GPHN: variants seen among roughly 807,000 people sequenced by gnomAD.
The protein encoded by GPHN is gephyrin.
GPHN carries 17 observed loss-of-function variants against 95.5 expected under a neutral mutation model. The ratio of observed to expected loss-of-function variants is 0.18; its 90% CI spans 0.12 to 0.27. The LOEUF (loss-of-function observed/expected upper bound fraction) is 0.27. Among genes scored for constraint, GPHN ranks in the 10% least tolerant of loss-of-function variants. GPHN has a pLI of 1.00. For missense variants in GPHN, 660 were observed against 978.1 expected (o/e 0.67, Z 4.34); for synonymous variants, 320 against 322.5 (o/e 0.99, Z 0.08).
intron 9 of GPHN, chr14:66,969,335 G>T (rs1038804006): frequency 2.6e-5 from 4 of 152,118 alleles, no homozygotes; most frequent in African/African-American, 9.7e-5. Flanking sequence ...TATATTTAAA[G>T]AAGTATAGAC....
At position 67,122,341 on chromosome 14, in the gene GPHN, G is replaced by A. The variant is rs762726630; in HGVS notation, c.1712G>A (p.Gly571Asp). The A allele has an allele frequency of 8.7e-6, 14 of 1,613,086 alleles. No individual in the cohort carries two copies. The highest frequency in any genetic ancestry group is 6.8e-6 in the Non-Finnish European group (8 of 1,179,092). The change falls in exon 17 of 23, where the codon GGT (glycine) becomes GAT (aspartate). Residue 571 changes from glycine (G) to aspartate (D), a missense_variant. Gly to Asp is a moderately conservative substitution (Grantham distance 94, BLOSUM62 -1). Transcript: ENST00000478722. ...STLLATIQEHGYPTINLGIVG... is the reference protein window; with the variant it reads ...STLLATIQEHDYPTINLGIVG... The stretch of plus-strand genomic sequence containing the variant: ...CTTCTAGCAACAATTCAGGAACATG[G>A]TTACCCCACGATCAACTTGGGTATT...
chr14:67,008,330 C>T (rs1227614313), intron 9 of GPHN, among the ~76,000 whole-genome samples: 1 of 151,672 alleles, frequency 6.6e-6, no homozygotes, highest in African/African-American at 2.4e-5. Context: ...GTGGTGCGTG[C>T]CTGTAATCCC....
intron 2 of GPHN, among the ~76,000 whole-genome samples, chr14:66,748,515 A>G (rs1057127274): frequency 1.3e-5 from 2 of 151,854 alleles, no homozygotes; most frequent in South Asian, 2.1e-4. Context: ...TTGAAGCTAC[A>G]TTGACGTATC....
At position 66,738,144 on chromosome 14, in the gene GPHN, A is replaced by G. The variant is rs113792241; in HGVS notation, c.144-38320A>G. Among the ~76,000 whole-genome samples, 559 of 152,336 alleles carry G rather than the reference A, an allele frequency of 3.7e-3. 12 individuals are homozygous for G. Among genetic ancestry groups the G allele is most frequent in the African/African-American group, 0.013 (532 of 41,576 alleles). ...ATTTTGAAAGGTACATTGGAGCAGTAGTAGTGATAGGAAACCAATTGTTAG... is the reference window on the plus strand; with the variant it reads ...ATTTTGAAAGGTACATTGGAGCAGTGGTAGTGATAGGAAACCAATTGTTAG... On this transcript the variant is annotated intron_variant, in intron 2 of 22. Transcript: ENST00000478722.
At chr14:66,958,370 T>G (rs1218292805) in intron 8 of GPHN, among the ~76,000 whole-genome samples, 1 of 152,216 alleles carries the variant, frequency 6.6e-6, no homozygotes, top group Non-Finnish European at 1.5e-5. Context: ...TATTTGCGTC[T>G]TTGGATCTAA....
chr14:66,981,082 G>A (rs2070636930), intron 9 of GPHN, among the ~76,000 whole-genome samples: 1 of 152,118 alleles, frequency 6.6e-6, no homozygotes, highest in African/African-American at 2.4e-5. Flanking sequence ...ATAAAAATAT[G>A]GCAGAGGGGT....
Position 66,776,599 on chromosome 14 carries a change from G to A in GPHN, c.201+78G>A, listed in dbSNP as rs2059390558. On this transcript the variant is annotated intron_variant, in intron 3 of 22. Transcript: ENST00000478722. Reference sequence around the variant, plus strand: ...TGGGGAAGAGTTGCTTTTTCTTTATGCCATTGATATTTGGCTATGTTAGAA... The same window carrying A: ...TGGGGAAGAGTTGCTTTTTCTTTATACCATTGATATTTGGCTATGTTAGAA... The A allele has an allele frequency of 3.1e-5, 26 of 833,888 alleles. No homozygotes were observed. In the South Asian group the frequency reaches 3.5e-4, roughly 11 times the overall value. 51.7% of individuals were successfully genotyped at this position (833,888 alleles called of 1,614,324 possible).
At chr14:66,651,498 C>T (rs1251418765) in intron 1 of GPHN, among the ~76,000 whole-genome samples, 1 of 152,176 alleles carries the variant, frequency 6.6e-6, no homozygotes, top group African/African-American at 2.4e-5. Context: ...CTCCCAACCA[C>T]AAAAGACCCC....
intron 11 of GPHN, among the ~76,000 whole-genome samples, chr14:67,080,236 G>C (rs1358517554): frequency 6.6e-6 from 1 of 151,846 alleles, no homozygotes; most frequent in African/African-American, 2.4e-5. Flanking sequence ...GTGTATTCAA[G>C]TCTTTTTTTC....
At chr14:66,920,809 T>C (rs189403390) in intron 6 of GPHN, among the ~76,000 whole-genome samples, 5 of 152,238 alleles carry the variant, frequency 3.3e-5, no homozygotes, top group Non-Finnish European at 7.4e-5. Context: ...CTTTGCGTCC[T>C]CATAGCTTAG....
chr14:67,054,869 G>C (rs1380957722), intron 10 of GPHN, among the ~76,000 whole-genome samples: 1 of 152,176 alleles, frequency 6.6e-6, no homozygotes, highest in Non-Finnish European at 1.5e-5. Context: ...TTAATAAATG[G>C]TGCTGGGAGA....
chr14:66,620,889 A>G lies in GPHN; in HGVS notation c.65-60218A>G, dbSNP rs541350686. Among the ~76,000 whole-genome samples, 146 of 152,250 alleles carry G rather than the reference A, an allele frequency of 9.6e-4. 1 individual carries two copies. The highest frequency in any genetic ancestry group is 9.5e-3 in the East Asian group (49 of 5,178). ...GAGGTACAGGCATTGGGTAAATACAACCATTCCAAATGGGAGAAATTGGCC... is the reference window on the plus strand; with the variant it reads ...GAGGTACAGGCATTGGGTAAATACAGCCATTCCAAATGGGAGAAATTGGCC... On this transcript the variant is annotated intron_variant, in intron 1 of 22. Transcript: ENST00000478722.
chr14:66,679,005 C>T (rs2066780827), intron 1 of GPHN, among the ~76,000 whole-genome samples: 1 of 152,134 alleles, frequency 6.6e-6, no homozygotes, highest in Admixed American at 6.5e-5. Flanking sequence ...TTCTTGGGCT[C>T]CTGGGTGGTG....
At chr14:67,573,411 G>A in the GPHN span, 2 of 1,340,480 alleles carry the variant, frequency 1.5e-6, no homozygotes, top group Admixed American at 3.4e-5. The surrounding 1 kb of genome is among the most constrained non-coding windows in gnomAD (Gnocchi z 4.8). Flanking sequence ...GCCCAGCACT[G>A]CAGTCAAAAG....
the GPHN span, among the ~76,000 whole-genome samples, chr14:67,606,439 A>C: frequency 1.1e-4 from 17 of 152,322 alleles, no homozygotes; most frequent in Non-Finnish European, 4.4e-5. Flanking sequence ...GCTTGTGAGA[A>C]AGTTTAGATA....
chr14:67,072,525 G>A (rs1425330207), intron 11 of GPHN, among the ~76,000 whole-genome samples: 1 of 151,810 alleles, frequency 6.6e-6, no homozygotes, highest in Non-Finnish European at 1.5e-5. Context: ...AGCAGCAGAG[G>A]GTAAGTATCA....
chr14:67,570,109 G>T, the GPHN span: 1 of 882,710 alleles, frequency 1.1e-6, no homozygotes. Flanking sequence ...CCAGGCTTCT[G>T]CACATGGTGA....
At chr14:66,554,775 C>T (rs1158372840) in intron 1 of GPHN, among the ~76,000 whole-genome samples, 1 of 152,168 alleles carries the variant, frequency 6.6e-6, no homozygotes, top group Non-Finnish European at 1.5e-5. Flanking sequence ...AAATGATCCT[C>T]TAACAAGCTC....
chr14:66,924,157 G>T, intron 7 of GPHN, 37 bp from the exon 8 acceptor site: 1 of 1,106,614 alleles, frequency 9.0e-7, no homozygotes, highest in Non-Finnish European at 1.4e-6. Context: ...ATGTTTTCCT[G>T]TCACTATATT....
Sources: allele counts gnomAD v4.1 joint callset (sites outside exome capture counted in the v4.1 genomes callset), GRCh38; gene constraint gnomAD v4.1.1; non-coding constraint Gnocchi (gnomAD v3.1); transcripts MANE v1.5; gene names NCBI Gene and HGNC (gene_info 2026-07-23, HGNC 2026-07-21).